Variants in RGS7 observed in about 807,000 individuals in gnomAD.
RGS7 encodes the protein regulator of G-protein signaling 7.
A neutral mutation model predicts 81.1 loss-of-function variants in RGS7; 27 were observed. The observed-to-expected ratio is 0.33, with a 90% CI of 0.25 to 0.46. The LOEUF (loss-of-function observed/expected upper bound fraction) is 0.46. Among genes scored for constraint, RGS7 ranks in the 20% least tolerant of loss-of-function variants. The pLI is 1.00. For missense variants in RGS7, 396 were observed against 607.4 expected (o/e 0.65, Z 3.66); for synonymous variants, 208 against 207.7 (o/e 1.00, Z -0.01).
At chr1:241,292,704 A>G (rs1219583626) in intron 2 of RGS7, among the ~76,000 whole-genome samples, 1 of 152,232 alleles carries the variant, frequency 6.6e-6, no homozygotes, top group Middle Eastern at 3.2e-3. Context: ...CATTTACTCT[A>G]CTATGGCCAA....
chr1:241,137,809 T>C (rs2067629233), intron 2 of RGS7, among the ~76,000 whole-genome samples: 1 of 152,210 alleles, frequency 6.6e-6, no homozygotes, highest in Non-Finnish European at 1.5e-5. Context: ...AGGTGTGTGC[T>C]TACATGCTAC....
At chr1:241,293,445 T>C (rs1187398845) in intron 2 of RGS7, among the ~76,000 whole-genome samples, 1 of 152,178 alleles carries the variant, frequency 6.6e-6, no homozygotes, top group Non-Finnish European at 1.5e-5. Context: ...GAAGGCATTG[T>C]TGTCATAGGA....
chr1:240,918,907 T>A (rs963462192), intron 6 of RGS7, among the ~76,000 whole-genome samples: 1 of 151,584 alleles, frequency 6.6e-6, no homozygotes, highest in Non-Finnish European at 1.5e-5. Flanking sequence ...TCACTGCTGA[T>A]CCCCTTTATC....
At chr1:240,814,359 A>G (rs1302598859) in intron 12 of RGS7, among the ~76,000 whole-genome samples, 1 of 152,234 alleles carries the variant, frequency 6.6e-6, no homozygotes, top group Non-Finnish European at 1.5e-5. Flanking sequence ...TGTTAAAATA[A>G]GTTTATAGAG....
chr1:241,259,881 G>C (rs572671901), intron 2 of RGS7, among the ~76,000 whole-genome samples: 2 of 151,814 alleles, frequency 1.3e-5, no homozygotes, highest in South Asian at 4.2e-4. Context: ...AATATTAGTA[G>C]TAAAAGGGAC....
intron 3 of RGS7, among the ~76,000 whole-genome samples, chr1:241,030,805 A>C (rs979547624): frequency 6.6e-6 from 1 of 152,048 alleles, no homozygotes; most frequent in African/African-American, 2.4e-5. Flanking sequence ...CTCTTAAAAA[A>C]ATCCTCCCCA....
intron 4 of RGS7, among the ~76,000 whole-genome samples, chr1:240,972,184 C>T (rs1165576253): frequency 6.6e-6 from 1 of 152,082 alleles, no homozygotes; most frequent in African/African-American, 2.4e-5. Context: ...CTTATGGTTG[C>T]CCGCCATTTA....
rs921794115 is a variant in RGS7, at chr1:241,144,352, C to T, written c.79-45590G>A. Among the ~76,000 whole-genome samples the T allele has an allele frequency of 1.3e-5, 2 of 152,176 alleles. No homozygotes were observed. The highest frequency in any genetic ancestry group is 4.8e-5 in the African/African-American group (2 of 41,448). Reference sequence around the variant, plus strand: ...TGTGGATACGCACAGGCACACACATCCAAATACACTGCAGGTAAGACCCAC... The same window carrying T: ...TGTGGATACGCACAGGCACACACATTCAAATACACTGCAGGTAAGACCCAC... On this transcript the variant is annotated intron_variant, in intron 2 of 18. Transcript: ENST00000440928. The surrounding 1 kb of genome is among the most constrained non-coding windows in gnomAD (Gnocchi z 4.7).
chr1:241,057,225 A>G (rs2061518467), intron 3 of RGS7, among the ~76,000 whole-genome samples: 1 of 152,176 alleles, frequency 6.6e-6, no homozygotes, highest in South Asian at 2.1e-4. Flanking sequence ...TTGGTAAGAA[A>G]TAGGAACACC....
At chr1:241,141,691 G>T (rs2067933553) in intron 2 of RGS7, among the ~76,000 whole-genome samples, 1 of 152,092 alleles carries the variant, frequency 6.6e-6, no homozygotes, top group South Asian at 2.1e-4. Context: ...CTCCCATAGG[G>T]TCCCTCACAC....
chr1:240,786,585 A>G (rs1238965365), intron 18 of RGS7, among the ~76,000 whole-genome samples: 1 of 152,226 alleles, frequency 6.6e-6, no homozygotes, highest in Non-Finnish European at 1.5e-5. Context: ...CAGTTTATAC[A>G]GTAACCATAT....
intron 2 of RGS7, among the ~76,000 whole-genome samples, chr1:241,132,824 A>G (rs1315310014): frequency 1.3e-5 from 2 of 152,108 alleles, no homozygotes; most frequent in South Asian, 2.1e-4. Context: ...GTGCAGTGGC[A>G]CAATCTCGGC....
chr1:241,013,062 T>C (rs915915542), intron 3 of RGS7, among the ~76,000 whole-genome samples: 2 of 144,280 alleles, frequency 1.4e-5, no homozygotes, highest in Admixed American at 7.0e-5. Flanking sequence ...CCTTTTTTTT[T>C]TTTTTTTTTT....
At chr1:241,038,195 G>T (rs557756034) in intron 3 of RGS7, among the ~76,000 whole-genome samples, 1 of 152,088 alleles carries the variant, frequency 6.6e-6, no homozygotes, top group Non-Finnish European at 1.5e-5. Flanking sequence ...ATAGATAAAC[G>T]AAAAATAAAG....
At chr1:240,995,815 T>C (rs1049414709) in intron 3 of RGS7, among the ~76,000 whole-genome samples, 1 of 151,900 alleles carries the variant, frequency 6.6e-6, no homozygotes, top group African/African-American at 2.4e-5. Flanking sequence ...TTCAATTCCA[T>C]TGATTTATGC....
intron 2 of RGS7, among the ~76,000 whole-genome samples, chr1:241,221,754 G>A (rs2075029301): frequency 6.6e-6 from 1 of 152,208 alleles, no homozygotes; most frequent in Non-Finnish European, 1.5e-5. Flanking sequence ...GAATTCTGTA[G>A]GAGATGGCCT....
chr1:241,121,793 C>T (rs1001770919), intron 2 of RGS7, among the ~76,000 whole-genome samples: 6 of 130,226 alleles, frequency 4.6e-5, no homozygotes, highest in East Asian at 2.6e-4. Context: ...CCATGGCTTA[C>T]TGCAGCCTCA....
intron 3 of RGS7, among the ~76,000 whole-genome samples, chr1:241,021,146 A>C (rs936714131): frequency 3.3e-5 from 5 of 152,166 alleles, no homozygotes; most frequent in African/African-American, 1.2e-4. Flanking sequence ...TCTATTTTGC[A>C]TGCATCAGTA....
intron 2 of RGS7, among the ~76,000 whole-genome samples, chr1:241,237,706 C>G (rs1001442961): frequency 6.6e-6 from 1 of 152,126 alleles, no homozygotes; most frequent in Non-Finnish European, 1.5e-5. Flanking sequence ...GCCAGGGAAG[C>G]AGAGCAGTTC....
Sources: gnomAD v4.1 joint callset for allele counts (sites outside exome capture counted in the v4.1 genomes callset) on GRCh38, gnomAD v4.1.1 for gene constraint, Gnocchi (gnomAD v3.1) non-coding constraint, MANE v1.5 for transcripts, NCBI Gene and HGNC (gene_info 2026-07-23, HGNC 2026-07-21) for gene names.